The following TRDN variants were observed in gnomAD, a reference collection of about 807,000 sequenced individuals.
The protein encoded by TRDN is triadin.
A neutral mutation model predicts 149.7 loss-of-function variants in TRDN; 161 were observed. That is an observed-to-expected ratio of 1.08 (90% CI 0.95 to 1.23). TRDN has a LOEUF of 1.23. Ranked by LOEUF, TRDN falls within the 50% of genes most tolerant of loss-of-function variation. TRDN has a pLI of 0.00. For synonymous variants in TRDN, 294 were observed against 250.5 expected (o/e 1.17, Z -1.64); for missense variants, 896 against 823.5 (o/e 1.09, Z -1.08).
chr6:123,613,431 ATTT>A (rs1405162882), intron 1 of TRDN, among the ~76,000 whole-genome samples: 1 of 152,202 alleles, frequency 6.6e-6, no homozygotes, highest in Non-Finnish European at 1.5e-5. Flanking sequence ...AGATGAGCAT[ATTT>A]TTCAACACTA....
rs973109217 is a variant in TRDN at position 123,588,500 on chromosome 6, C to T, written c.23-17368G>A. Among the ~76,000 whole-genome samples, 3 of 152,122 alleles carry T rather than the reference C, an allele frequency of 2.0e-5. No homozygotes were observed. The East Asian group carries it at 5.8e-4, about 29-fold the overall frequency. On this transcript the variant is annotated intron_variant, in intron 1 of 40. Transcript: ENST00000334268. ...GTTCCCTGGGCAGAGAGGAAGGAGC[C>T]ATTCAGTAAGTTGGGGATTTAGAGT...
At chr6:123,478,061 T>TA (rs1237107250) in intron 9 of TRDN, among the ~76,000 whole-genome samples, 8 of 125,298 alleles carry the variant, frequency 6.4e-5, no homozygotes, top group East Asian at 2.4e-4. Context: ...AGTATAATAA[T>TA]AAAAAAAAAG....
intron 24 of TRDN, among the ~76,000 whole-genome samples, chr6:123,298,177 G>A (rs1240770306): frequency 6.6e-6 from 1 of 151,926 alleles, no homozygotes; most frequent in Non-Finnish European, 1.5e-5. Flanking sequence ...AAGAAAAACC[G>A]GGGATTGGGA....
chr6:123,473,353 GATGAAATGA>G (rs1777287523), intron 9 of TRDN, among the ~76,000 whole-genome samples: 4 of 152,078 alleles, frequency 2.6e-5, no homozygotes, highest in Admixed American at 2.6e-4. Context: ...AGCAATGGAA[GATGAAATGA>G]ATGAAATGAA....
At chr6:123,625,066 CTTTT>C (rs3064015) in intron 1 of TRDN, among the ~76,000 whole-genome samples, 33 of 144,472 alleles carry the variant, frequency 2.3e-4, no homozygotes, top group African/African-American at 8.1e-4. Flanking sequence ...CTTCCTGTCT[CTTTT>C]TTTTTTTTTT....
chr6:123,352,737 G>A lies in TRDN; in HGVS notation c.1322-151C>T, dbSNP rs1056308029. On this transcript the variant is annotated intron_variant, in intron 20 of 40. Transcript: ENST00000334268. The stretch of plus-strand genomic sequence containing the variant: ...TAAACATTTCTCATTTCTCTATAAC[G>A]CAATTGAAACCAGATTTTATATCTA... Among the ~76,000 whole-genome samples the A allele has an allele frequency of 5.3e-5, 8 of 151,714 alleles. 1 individual carries two copies. Among genetic ancestry groups the A allele is most frequent in the Non-Finnish European group, 7.4e-5 (5 of 67,834 alleles).
At chr6:123,492,654 T>A (rs1468636524) in intron 9 of TRDN, among the ~76,000 whole-genome samples, 2 of 151,826 alleles carry the variant, frequency 1.3e-5, no homozygotes, top group African/African-American at 4.8e-5. Flanking sequence ...CACACAAAAT[T>A]GAAAAGGAAA....
Position 123,636,801 on chromosome 6 carries a change from TTGAAAAGTTCC to T in TRDN, c.-37_-27del. On this transcript the variant is annotated 5_prime_UTR_variant, in exon 1 of 41. Coordinates refer to ENST00000334268, the MANE Select transcript of TRDN (RefSeq NM_006073.4). ...GGTGGTCGTCAAAAGTAAAAGTCAG[TTGAAAAGTTCC>T]CGTCAAGTTGCACTTTGCAGAGTAT... 3.7e-6 allele frequency: 6 copies of T among 1,611,440 alleles called. No individual in the cohort carries two copies. The highest frequency in any genetic ancestry group is 5.1e-6 in the Non-Finnish European group (6 of 1,178,286).
chr6:123,399,195 T>G (rs1394264787), intron 12 of TRDN, among the ~76,000 whole-genome samples: 1 of 152,154 alleles, frequency 6.6e-6, no homozygotes, highest in Non-Finnish European at 1.5e-5. Context: ...AAAATCTACC[T>G]ATAGATGTTA....
At chr6:123,298,956 C>T (rs748647225) in intron 24 of TRDN, among the ~76,000 whole-genome samples, 1 of 152,016 alleles carries the variant, frequency 6.6e-6, no homozygotes, top group Non-Finnish European at 1.5e-5. Context: ...CTTCACCTAA[C>T]AAACGGAGAA....
chr6:123,577,602 A>G (rs1361960579), intron 1 of TRDN, among the ~76,000 whole-genome samples: 1 of 152,092 alleles, frequency 6.6e-6, no homozygotes, highest in Admixed American at 6.6e-5. Context: ...GCTGCAAAAC[A>G]TTTGCATGCA....
At chr6:123,439,182 A>T (rs1418706959) in intron 10 of TRDN, among the ~76,000 whole-genome samples, 179 bp from the exon 11 acceptor site, 1 of 152,200 alleles carries the variant, frequency 6.6e-6, no homozygotes, top group Non-Finnish European at 1.5e-5. Flanking sequence ...TACCTCCCTC[A>T]AAGTTAATGT....
At chr6:123,387,812 A>G (rs1226070954) in intron 14 of TRDN, among the ~76,000 whole-genome samples, 1 of 152,146 alleles carries the variant, frequency 6.6e-6, no homozygotes, top group Non-Finnish European at 1.5e-5. Context: ...AGAATTAAAC[A>G]AAAGGATAGC....
rs138251788 is a variant in TRDN at position 123,216,886 on chromosome 6, A to T, written c.*1715T>A. ...GAATGAAAGAATTAATGGACAAACC[A>T]TTCTGTTCTATGAAATCTAAAACAT... is the stretch of plus-strand genomic sequence containing the variant. On this transcript the variant is annotated 3_prime_UTR_variant, in exon 41 of 41. Transcript: ENST00000334268. 4.7e-4 allele frequency: 71 copies of T among 152,150 alleles called. No individual in the cohort carries two copies. Among genetic ancestry groups the T allele is most frequent in the African/African-American group, 1.7e-3 (70 of 41,550 alleles). 9.4% of individuals were successfully genotyped at this position (152,150 alleles called of 1,614,324 possible). A position where few individuals can be genotyped will look rare whatever the true frequency, so the allele number is the denominator to read the frequency against.
chr6:123,553,801 T>C (rs528660759), intron 2 of TRDN, among the ~76,000 whole-genome samples: 2 of 152,218 alleles, frequency 1.3e-5, no homozygotes, highest in African/African-American at 2.4e-5. Context: ...CGAGAAACTG[T>C]CCCCATTGAT....
chr6:123,309,118 A>C (rs917284939), intron 24 of TRDN, among the ~76,000 whole-genome samples: 4 of 151,960 alleles, frequency 2.6e-5, no homozygotes, highest in Non-Finnish European at 5.9e-5. Context: ...TTTCTATAGA[A>C]TTTCACTCTA....
intron 9 of TRDN, among the ~76,000 whole-genome samples, chr6:123,493,874 A>G (rs1297847938): frequency 6.6e-6 from 1 of 152,178 alleles, no homozygotes; most frequent in Non-Finnish European, 1.5e-5. Flanking sequence ...AATGCAAGTC[A>G]TATTTAATGC....
rs1206274559 is a variant in TRDN at position 123,226,562 on chromosome 6, G to A, written c.1976-2431C>T. Among the ~76,000 whole-genome samples the A allele has an allele frequency of 3.9e-5, 6 of 151,948 alleles. No homozygotes were observed. In the East Asian group the frequency reaches 1.2e-3, roughly 30 times the overall value. On this transcript the variant is annotated intron_variant, in intron 38 of 40. Transcript: ENST00000334268. Reference sequence around the variant, plus strand: ...AACTGGCTATAAGTGACAAAAGCTGGCAAGAGCTGAGTCACATGTCAATCG... The same window carrying A: ...AACTGGCTATAAGTGACAAAAGCTGACAAGAGCTGAGTCACATGTCAATCG...
intron 8 of TRDN, among the ~76,000 whole-genome samples, chr6:123,499,516 C>A (rs1392734228): frequency 1.3e-5 from 2 of 150,548 alleles, no homozygotes; most frequent in Non-Finnish European, 3.0e-5. Flanking sequence ...CCAGCCTAGC[C>A]AGCATAGTGA....
Sources: gnomAD v4.1 joint callset for allele counts (sites outside exome capture counted in the v4.1 genomes callset) on GRCh38, gnomAD v4.1.1 for gene constraint, MANE v1.5 for transcripts, NCBI Gene and HGNC (gene_info 2026-07-23, HGNC 2026-07-21) for gene names.